Variants in UNC5D observed in about 807,000 individuals in gnomAD.
UNC5D encodes unc-5 netrin receptor D.
A neutral mutation model predicts 105.4 loss-of-function variants in UNC5D; 39 were observed. The observed-to-expected ratio is 0.37, with a 90% CI of 0.29 to 0.48. UNC5D has a LOEUF of 0.48. Among genes scored for constraint, UNC5D ranks in the 20% least tolerant of loss-of-function variants. The pLI is 0.98. For synonymous variants in UNC5D, 452 were observed against 450.4 expected (o/e 1.00, Z -0.04); for missense variants, 991 against 1,202.4 (o/e 0.82, Z 2.60).
At chr8:35,579,018 G>T (rs946343696) in intron 3 of UNC5D, among the ~76,000 whole-genome samples, 1 of 152,152 alleles carries the variant, frequency 6.6e-6, no homozygotes, top group Non-Finnish European at 1.5e-5. Context: ...CACCTTAAAA[G>T]TTCCTGGAAG....
intron 2 of UNC5D, among the ~76,000 whole-genome samples, chr8:35,567,249 G>A (rs1382737054): frequency 6.6e-6 from 1 of 152,084 alleles, no homozygotes; most frequent in African/African-American, 2.4e-5. Flanking sequence ...CTTGGTTTAT[G>A]TGTACTGCTA....
intron 1 of UNC5D, among the ~76,000 whole-genome samples, chr8:35,284,147 T>C (rs989169683): frequency 1.3e-5 from 2 of 152,192 alleles, no homozygotes; most frequent in Non-Finnish European, 2.9e-5. Context: ...AACTATATTA[T>C]GCTAGTGTAT....
intron 1 of UNC5D, among the ~76,000 whole-genome samples, chr8:35,522,424 C>T (rs1586038982): frequency 1.3e-5 from 2 of 152,148 alleles, no homozygotes; most frequent in Admixed American, 1.3e-4. Flanking sequence ...CACAGAACTC[C>T]AAGGGTTTAT....
intron 13 of UNC5D, among the ~76,000 whole-genome samples, chr8:35,754,725 C>G (rs925713726): frequency 6.6e-6 from 1 of 152,084 alleles, no homozygotes; most frequent in Non-Finnish European, 1.5e-5. Context: ...TTCCCTGTAC[C>G]CCCTACAGGG....
chr8:35,668,127 C>T (rs985096927), intron 4 of UNC5D, among the ~76,000 whole-genome samples: 3 of 152,088 alleles, frequency 2.0e-5, no homozygotes, highest in African/African-American at 7.2e-5. Context: ...GCCATGGCAA[C>T]AAGTAATATC....
intron 1 of UNC5D, among the ~76,000 whole-genome samples, chr8:35,498,088 A>AAC (rs1563474972): frequency 2.7e-5 from 2 of 74,470 alleles, no homozygotes; most frequent in African/African-American, 1.7e-4. Flanking sequence ...ACAAAACAAA[A>AAC]AAAAAAAAAA....
At chr8:35,492,449 T>G (rs1811273211) in intron 1 of UNC5D, among the ~76,000 whole-genome samples, 1 of 152,080 alleles carries the variant, frequency 6.6e-6, no homozygotes, top group Non-Finnish European at 1.5e-5. Context: ...AAAGCTAAAG[T>G]TGGCCATCAG....
chr8:35,584,507 T>C (rs1244530786), intron 3 of UNC5D, among the ~76,000 whole-genome samples: 1 of 152,096 alleles, frequency 6.6e-6, no homozygotes, highest in Non-Finnish European at 1.5e-5. Flanking sequence ...TTCCAACTCC[T>C]GGGCCCACAC....
chr8:35,717,082 G>A (rs568531511), intron 8 of UNC5D, among the ~76,000 whole-genome samples: 2 of 152,264 alleles, frequency 1.3e-5, no homozygotes, highest in Admixed American at 6.5e-5. Context: ...TGTATTTACT[G>A]TATGGATTCC....
chr8:35,334,975 G>A (rs748429191), intron 1 of UNC5D, among the ~76,000 whole-genome samples: 7 of 152,030 alleles, frequency 4.6e-5, no homozygotes, highest in South Asian at 2.1e-4. Context: ...CCTGACAATC[G>A]TTGATCTGCT....
At chr8:35,646,520 G>A (rs904520474) in intron 4 of UNC5D, among the ~76,000 whole-genome samples, 4 of 152,022 alleles carry the variant, frequency 2.6e-5, no homozygotes, top group African/African-American at 9.7e-5. Flanking sequence ...GGAAACATGG[G>A]CTCCTGTGTC....
chr8:35,449,132 T>C (rs1807984184), intron 1 of UNC5D, among the ~76,000 whole-genome samples: 2 of 152,222 alleles, frequency 1.3e-5, no homozygotes, highest in African/African-American at 2.4e-5. Context: ...TTTGATATCG[T>C]GAAGAGTGTT....
rs139308321 is a variant in UNC5D at position 35,364,468 on chromosome 8, T to C, written c.103+128581T>C. On this transcript the variant is annotated intron_variant, in intron 1 of 16. Transcript: ENST00000404895. ...TACCACAAGCTATTCCAGGCTCATC[T>C]TGTGCTTTGCTTGCTCTGACCCTGG... is the stretch of plus-strand genomic sequence containing the variant. 4.4e-4 allele frequency among the ~76,000 whole-genome samples: 67 copies of C among 152,300 alleles called. No homozygotes were observed. In the South Asian group the frequency reaches 4.6e-3, roughly 10 times the overall value.
intron 1 of UNC5D, among the ~76,000 whole-genome samples, chr8:35,258,525 C>T (rs1034330350): frequency 6.6e-6 from 1 of 152,140 alleles, no homozygotes; most frequent in Non-Finnish European, 1.5e-5. Flanking sequence ...TTTCCGTCTC[C>T]TCATCTGTAA....
At chr8:35,634,103 C>T (rs144058144) in intron 4 of UNC5D, among the ~76,000 whole-genome samples, 146 of 152,302 alleles carry the variant, frequency 9.6e-4, no homozygotes, top group African/African-American at 3.2e-3. Context: ...GGTTTCACAT[C>T]GTAGTCCAGT....
intron 4 of UNC5D, among the ~76,000 whole-genome samples, chr8:35,633,596 T>TAAA (rs2131090871): frequency 6.7e-6 from 1 of 150,258 alleles, no homozygotes; most frequent in African/African-American, 2.4e-5. Flanking sequence ...AAAAAAAAAT[T>TAAA]TTTTTTAAAT....
At chr8:35,415,541 A>T (rs1043794010) in intron 1 of UNC5D, among the ~76,000 whole-genome samples, 1 of 152,096 alleles carries the variant, frequency 6.6e-6, no homozygotes, top group African/African-American at 2.4e-5. Flanking sequence ...GGTTTCTTGA[A>T]TCGTCTCCCC....
At chr8:35,739,450 AG>A (rs1420242788) in intron 11 of UNC5D, among the ~76,000 whole-genome samples, 1 of 152,182 alleles carries the variant, frequency 6.6e-6, no homozygotes, top group African/African-American at 2.4e-5. Flanking sequence ...TCAGTCCACA[AG>A]TAAACACAAG....
chr8:35,769,303 C>A (rs754004367), intron 15 of UNC5D, among the ~76,000 whole-genome samples: 1 of 152,118 alleles, frequency 6.6e-6, no homozygotes, highest in Non-Finnish European at 1.5e-5. Context: ...TCTGACTACT[C>A]CACTACACTA....
Sources: allele counts gnomAD v4.1 joint callset (sites outside exome capture counted in the v4.1 genomes callset), GRCh38; gene constraint gnomAD v4.1.1; transcripts MANE v1.5; gene names NCBI Gene and HGNC (gene_info 2026-07-23, HGNC 2026-07-21).